The following ZMAT4 variants were observed in gnomAD, a reference collection of about 807,000 sequenced individuals.
The protein encoded by ZMAT4 is zinc finger matrin-type protein 4.
A neutral mutation model predicts 28.7 loss-of-function variants in ZMAT4; 17 were observed. That is an observed-to-expected ratio of 0.59 (90% CI 0.41 to 0.89). ZMAT4 has a LOEUF of 0.89. Among genes scored for constraint, ZMAT4 ranks in the 40% least tolerant of loss-of-function variants. The probability of loss-of-function intolerance (pLI) is 0.00; values close to 1 mark genes in which losing one functional copy is unlikely to be tolerated. For missense variants in ZMAT4, 240 were observed against 283.8 expected, an observed-to-expected ratio of 0.85 and a Z score of 1.11; for synonymous variants, 117 against 109.2, an observed-to-expected ratio of 1.07 and a Z score of -0.44.
At chr8:40,756,449 TATATATATAC>T (rs1367456441) in intron 3 of ZMAT4, among the ~76,000 whole-genome samples, 2 of 127,886 alleles carry the variant, frequency 1.6e-5, no homozygotes, top group African/African-American at 2.9e-5. Flanking sequence ...TATATATATA[TATATATATAC>T]ACACTTGTAT....
intron 6 of ZMAT4, among the ~76,000 whole-genome samples, chr8:40,543,471 C>T (rs72636910): frequency 6.6e-6 from 1 of 152,150 alleles, no homozygotes; most frequent in Admixed American, 6.5e-5. Context: ...CCACCCTGAT[C>T]CCCCACCCCA....
chr8:40,691,082 G>A (rs1245853148), intron 4 of ZMAT4: 2 of 239,532 alleles, frequency 8.3e-6, no homozygotes, highest in Non-Finnish European at 1.3e-5. Flanking sequence ...TTTGCTCCTA[G>A]GAGAAATTCA....
intron 5 of ZMAT4, among the ~76,000 whole-genome samples, chr8:40,612,087 T>A (rs1279800428): frequency 6.6e-6 from 1 of 152,218 alleles, no homozygotes; most frequent in Non-Finnish European, 1.5e-5. Flanking sequence ...GAGGCCCATT[T>A]TCCTGCTTTG....
intron 2 of ZMAT4, among the ~76,000 whole-genome samples, chr8:40,814,111 T>C (rs1690795235): frequency 7.0e-6 from 1 of 143,714 alleles, no homozygotes; most frequent in Non-Finnish European, 1.5e-5. Context: ...TCTGAGAAAG[T>C]GATAGCATTT....
chr8:40,853,159 A>G (rs1449804359), intron 1 of ZMAT4, among the ~76,000 whole-genome samples: 5 of 152,180 alleles, frequency 3.3e-5, no homozygotes, highest in African/African-American at 4.8e-5. Flanking sequence ...CCCCAAGACA[A>G]TCTTTGTACT....
At chr8:40,836,633 CT>C in intron 1 of ZMAT4, among the ~76,000 whole-genome samples, 1 of 152,126 alleles carries the variant, frequency 6.6e-6, no homozygotes, top group Non-Finnish European at 1.5e-5. Flanking sequence ...CTACAAGATC[CT>C]TTTTATAAAG....
intron 5 of ZMAT4, among the ~76,000 whole-genome samples, chr8:40,633,172 C>T (rs530795145): frequency 1.3e-5 from 2 of 152,288 alleles, no homozygotes; most frequent in African/African-American, 4.8e-5. Flanking sequence ...TACAGTAATG[C>T]TATAGCCATG....
At position 40,767,625 on chromosome 8, in the gene ZMAT4, G is replaced by A; in HGVS notation, c.192+16C>T. 2 of 1,603,350 alleles carry A rather than the reference G, an allele frequency of 1.2e-6. No homozygotes were observed. Among genetic ancestry groups the A allele is most frequent in the South Asian group, 2.2e-5 (2 of 89,700 alleles). ...AACAAATCATCTGAGGATATCACGT[G>A]GTACCAGATACTCACATTTTCTGAC... On this transcript the variant is annotated intron_variant, in intron 3 of 6. Coordinates refer to ENST00000297737, the MANE Select transcript of ZMAT4 (RefSeq NM_024645.3).
chr8:40,727,749 A>G (rs943146102), intron 3 of ZMAT4, among the ~76,000 whole-genome samples: 6 of 152,222 alleles, frequency 3.9e-5, no homozygotes, highest in African/African-American at 1.4e-4. Flanking sequence ...TATTTTAGAC[A>G]TGAAATAATT....
At chr8:40,636,463 C>A (rs1178632076) in intron 5 of ZMAT4, among the ~76,000 whole-genome samples, 1 of 152,200 alleles carries the variant, frequency 6.6e-6, no homozygotes, top group Non-Finnish European at 1.5e-5. Context: ...ATAGCCTTTA[C>A]AGTGGAGTTT....
chr8:40,723,395 T>G (rs1052292340), intron 3 of ZMAT4, among the ~76,000 whole-genome samples: 1 of 151,802 alleles, frequency 6.6e-6, no homozygotes. Context: ...ATACAAAAAT[T>G]AGCTCGGCAT....
chr8:40,647,678 C>A (rs1428434053), intron 5 of ZMAT4, among the ~76,000 whole-genome samples: 8 of 152,202 alleles, frequency 5.3e-5, no homozygotes, highest in Non-Finnish European at 1.0e-4. Context: ...ATGTCCCTGT[C>A]TGACAGCTTT....
At chr8:40,886,409 G>A (rs1818452376) in intron 1 of ZMAT4, among the ~76,000 whole-genome samples, 1 of 152,212 alleles carries the variant, frequency 6.6e-6, no homozygotes, top group Non-Finnish European at 1.5e-5. Flanking sequence ...TTGGAGTCCT[G>A]GCTGCAGCCC....
chr8:40,563,576 A>G (rs1354650121), intron 6 of ZMAT4, among the ~76,000 whole-genome samples: 1 of 152,206 alleles, frequency 6.6e-6, no homozygotes, highest in Non-Finnish European at 1.5e-5. Flanking sequence ...TTTGAGCACT[A>G]CTAGTAGAAG....
At chr8:40,891,131 G>A (rs1471076113) in intron 1 of ZMAT4, among the ~76,000 whole-genome samples, 1 of 146,928 alleles carries the variant, frequency 6.8e-6, no homozygotes, top group African/African-American at 2.5e-5. Flanking sequence ...CCAGGAGTTC[G>A]AGGCTACAGT....
intron 5 of ZMAT4, among the ~76,000 whole-genome samples, chr8:40,617,833 G>A (rs747307214): frequency 2.0e-5 from 3 of 152,144 alleles, no homozygotes; most frequent in Non-Finnish European, 4.4e-5. Context: ...GAAACAAACG[G>A]TTTACTGAAT....
At chr8:40,659,968 A>G (rs1022754598) in intron 5 of ZMAT4, among the ~76,000 whole-genome samples, 16 of 152,268 alleles carry the variant, frequency 1.1e-4, no homozygotes, top group African/African-American at 3.9e-4. Context: ...AGAAATCAGG[A>G]CTCTTATTTA....
At chr8:40,578,622 C>G (rs1804348535) in intron 6 of ZMAT4, among the ~76,000 whole-genome samples, 1 of 152,118 alleles carries the variant, frequency 6.6e-6, no homozygotes, top group Non-Finnish European at 1.5e-5. Flanking sequence ...CTCTTTCAAT[C>G]TCAATCTTGA....
At chr8:40,625,803 T>C (rs1159509531) in intron 5 of ZMAT4, among the ~76,000 whole-genome samples, 3 of 149,640 alleles carry the variant, frequency 2.0e-5, no homozygotes, top group Non-Finnish European at 3.0e-5. Context: ...AATTTGTTAG[T>C]CATCTGCATA....
Sources: gnomAD v4.1 joint callset for allele counts (sites outside exome capture counted in the v4.1 genomes callset) on GRCh38, gnomAD v4.1.1 for gene constraint, MANE v1.5 for transcripts, NCBI Gene and HGNC (gene_info 2026-07-23, HGNC 2026-07-21) for gene names.